The following PLSCR4 variants were observed in gnomAD, a reference collection of about 807,000 sequenced individuals.
PLSCR4 encodes phospholipid scramblase 4.
PLSCR4 carries 25 observed loss-of-function variants against 36.3 expected under a neutral mutation model. That is an observed-to-expected ratio of 0.69 (90% CI 0.50 to 0.96). The LOEUF (loss-of-function observed/expected upper bound fraction) is 0.96. PLSCR4 is among the 40% of genes least tolerant of loss of function. PLSCR4 has a pLI of 0.00. For synonymous variants in PLSCR4, 122 were observed against 132.9 expected (o/e 0.92, Z 0.56); for missense variants, 408 against 414.7 (o/e 0.98, Z 0.14).
intron 1 of PLSCR4, among the ~76,000 whole-genome samples, chr3:146,250,188 C>T (rs562333278): frequency 6.6e-6 from 1 of 152,232 alleles, no homozygotes; most frequent in South Asian, 2.1e-4. Flanking sequence ...TCACAGCTAT[C>T]CATGAGAGCA....
At chr3:146,214,695 T>C (rs981732357) in intron 3 of PLSCR4, among the ~76,000 whole-genome samples, 7 of 152,158 alleles carry the variant, frequency 4.6e-5, no homozygotes, top group East Asian at 3.9e-4. Flanking sequence ...GAATGCCATA[T>C]GTTTCAAGAA....
chr3:146,218,787 T>TA (rs1295804793), intron 3 of PLSCR4, among the ~76,000 whole-genome samples: 1 of 152,212 alleles, frequency 6.6e-6, no homozygotes. Flanking sequence ...AATACTGGTG[T>TA]AAGACACACT....
intron 1 of PLSCR4, among the ~76,000 whole-genome samples, chr3:146,244,390 C>T (rs969845658): frequency 6.6e-6 from 1 of 152,034 alleles, no homozygotes; most frequent in Non-Finnish European, 1.5e-5. Context: ...ACAGATACTC[C>T]ATTTTTTTAA....
At chr3:146,226,302 A>C (rs948898969) in intron 1 of PLSCR4, among the ~76,000 whole-genome samples, 1 of 152,188 alleles carries the variant, frequency 6.6e-6, no homozygotes, top group African/African-American at 2.4e-5. Context: ...AATAAACAAG[A>C]ACCATTTGAC....
chr3:146,193,785 A>G lies in PLSCR4; in HGVS notation c.*626T>C, dbSNP rs1206875137. 6.6e-6 allele frequency: 1 copy of G among 152,246 alleles called. No homozygotes were observed. The highest frequency in any genetic ancestry group is 6.5e-5 in the Admixed American group (1 of 15,282). 9.4% of individuals were successfully genotyped at this position (152,246 alleles called of 1,614,324 possible). A position where few individuals can be genotyped will look rare whatever the true frequency, so the allele number is the denominator to read the frequency against. ...ATGAGAAAACAAGCATGGAATATATAAACTTTAACATTAAAAAATGTTTTA... is the reference window on the plus strand; with the variant it reads ...ATGAGAAAACAAGCATGGAATATATGAACTTTAACATTAAAAAATGTTTTA... On this transcript the variant is annotated 3_prime_UTR_variant, in exon 9 of 9. Transcript: ENST00000354952.
chr3:146,195,069 C>T, intron 8 of PLSCR4, 55 bp downstream of exon 8: 1 of 1,500,904 alleles, frequency 6.7e-7, no homozygotes, highest in Non-Finnish European at 9.2e-7. Flanking sequence ...CACTATACTG[C>T]TTCTCCATCA....
At chr3:146,240,291 T>TA (rs200015905) in intron 1 of PLSCR4, among the ~76,000 whole-genome samples, 24 of 152,032 alleles carry the variant, frequency 1.6e-4, no homozygotes, top group Admixed American at 7.2e-4. Flanking sequence ...CACTGATCAT[T>TA]AAAAAAAATG....
chr3:146,232,768 G>A (rs2035766643), intron 1 of PLSCR4, among the ~76,000 whole-genome samples: 3 of 152,106 alleles, frequency 2.0e-5, no homozygotes, highest in Non-Finnish European at 2.9e-5. Context: ...TCTAGGTACA[G>A]AATCATATGA....
intron 1 of PLSCR4, among the ~76,000 whole-genome samples, chr3:146,222,594 A>G (rs1341158181): frequency 1.3e-5 from 2 of 152,186 alleles, no homozygotes; most frequent in African/African-American, 4.8e-5. Flanking sequence ...TGAGCATGGG[A>G]TACTGAAGGG....
intron 5 of PLSCR4, among the ~76,000 whole-genome samples, chr3:146,200,624 T>G (rs2033994463): frequency 6.6e-6 from 1 of 152,110 alleles, no homozygotes; most frequent in South Asian, 2.1e-4. Flanking sequence ...GGATTCTATT[T>G]CCAGCTCTGC....
At chr3:146,197,767 C>T (rs2033826142) in intron 6 of PLSCR4, among the ~76,000 whole-genome samples, 1 of 151,994 alleles carries the variant, frequency 6.6e-6, no homozygotes, top group African/African-American at 2.4e-5. Flanking sequence ...GTTACATGTA[C>T]TTTCATAAGA....
intron 3 of PLSCR4, 59 bp from the exon 4 acceptor site, chr3:146,206,820 T>TAG: frequency 9.5e-7 from 1 of 1,049,796 alleles, no homozygotes; most frequent in Non-Finnish European, 1.4e-6. Context: ...AGCATAACTT[T>TAG]TTACATGCGA....
At chr3:146,206,802 C>G (rs767201098) in intron 3 of PLSCR4, 41 bp from the exon 4 acceptor site, 2 of 1,242,188 alleles carry the variant, frequency 1.6e-6, no homozygotes, top group East Asian at 5.3e-5. Context: ...ATTATTAACA[C>G]TAAAGTTAGC....
In PLSCR4 at chr3:146,199,799, T is replaced by C. The variant is rs1455307489; in HGVS notation, c.624+14A>G. 5 of 1,597,372 alleles carry C rather than the reference T, an allele frequency of 3.1e-6. No homozygotes were observed. In the Admixed American group the frequency reaches 5.0e-5, roughly 16 times the overall value. On this transcript the variant is annotated intron_variant, in intron 6 of 8. Transcript: ENST00000354952. ...ATCAGAAGCAAGCTGTGGATCAGACTTCCATTCTCTGACCTCTTGTCTGGC... is the reference window on the plus strand; with the variant it reads ...ATCAGAAGCAAGCTGTGGATCAGACCTCCATTCTCTGACCTCTTGTCTGGC...
At chr3:146,234,438 G>A (rs1436150998) in intron 1 of PLSCR4, among the ~76,000 whole-genome samples, 2 of 152,136 alleles carry the variant, frequency 1.3e-5, no homozygotes, top group Non-Finnish European at 2.9e-5. Flanking sequence ...GGAGAAAGCA[G>A]TAATTTTATC....
chr3:146,206,907 T>C (rs1309326779), intron 3 of PLSCR4, 146 bp from the exon 4 acceptor site: 2 of 609,924 alleles, frequency 3.3e-6, no homozygotes, highest in South Asian at 2.0e-5. Context: ...CAGATCATGG[T>C]TGCATATGAC....
chr3:146,250,015 A>G (rs2036483337), intron 1 of PLSCR4, among the ~76,000 whole-genome samples: 1 of 152,232 alleles, frequency 6.6e-6, no homozygotes, highest in Admixed American at 6.5e-5. Context: ...ATCAAATTTC[A>G]GTGTTTCCTA....
chr3:146,246,645 C>A (rs2036349767), intron 1 of PLSCR4, among the ~76,000 whole-genome samples: 1 of 151,964 alleles, frequency 6.6e-6, no homozygotes, highest in Admixed American at 6.6e-5. Context: ...TTATATAAGA[C>A]ATTAAGGAAA....
chr3:146,241,136 G>C (rs1198374634), intron 1 of PLSCR4, among the ~76,000 whole-genome samples: 1 of 152,086 alleles, frequency 6.6e-6, no homozygotes, highest in African/African-American at 2.4e-5. Context: ...TCCAGAATAG[G>C]CAAGTTTATA....
Sources: allele counts gnomAD v4.1 joint callset (sites outside exome capture counted in the v4.1 genomes callset), GRCh38; gene constraint gnomAD v4.1.1; transcripts MANE v1.5; gene names NCBI Gene and HGNC (gene_info 2026-07-23, HGNC 2026-07-21).